CNBD1: variants seen among roughly 807,000 people sequenced by gnomAD.
CNBD1 encodes cyclic nucleotide binding domain containing 1.
CNBD1 carries 71 observed loss-of-function variants against 54.4 expected under a neutral mutation model. The ratio of observed to expected loss-of-function variants is 1.30; its 90% CI spans 1.08 to 1.59. CNBD1 has a LOEUF of 1.59. Ranked by LOEUF, CNBD1 falls within the 40% of genes most tolerant of loss-of-function variation. The probability of loss-of-function intolerance (pLI) is 0.00; values close to 1 mark genes in which losing one functional copy is unlikely to be tolerated. For synonymous variants in CNBD1, 182 were observed against 170.7 expected, an observed-to-expected ratio of 1.07 and a Z score of -0.51; for missense variants, 659 against 518.0, an observed-to-expected ratio of 1.27 and a Z score of -2.64.
At chr8:87,138,869 G>C (rs1042636178) in intron 4 of CNBD1, among the ~76,000 whole-genome samples, 1 of 152,152 alleles carries the variant, frequency 6.6e-6, no homozygotes, top group Non-Finnish European at 1.5e-5. Flanking sequence ...ATCAACAAAT[G>C]AATTTCAATA....
intron 4 of CNBD1, among the ~76,000 whole-genome samples, chr8:87,075,280 T>C (rs930420580): frequency 2.6e-5 from 4 of 152,200 alleles, no homozygotes; most frequent in Admixed American, 2.6e-4. Flanking sequence ...CATGCAGTTC[T>C]TTATTGAACT....
chr8:86,967,769 T>A (rs1030331826), intron 4 of CNBD1, among the ~76,000 whole-genome samples: 7 of 152,076 alleles, frequency 4.6e-5, no homozygotes, highest in Admixed American at 4.6e-4. Context: ...AACATTCCTG[T>A]CATATCTCAC....
chr8:87,384,887 A>G (rs1318151411), downstream of CNBD1, among the ~76,000 whole-genome samples: 1 of 152,178 alleles, frequency 6.6e-6, no homozygotes, highest in Admixed American at 6.5e-5. Flanking sequence ...TGAATGAGTG[A>G]AAGGGGACAT....
At chr8:87,121,607 C>CT (rs1171094140) in intron 4 of CNBD1, among the ~76,000 whole-genome samples, 1 of 151,640 alleles carries the variant, frequency 6.6e-6, no homozygotes, top group Non-Finnish European at 1.5e-5. Flanking sequence ...CAGTATATCA[C>CT]AAACCCCCCA....
intron 2 of CNBD1, among the ~76,000 whole-genome samples, chr8:87,411,077 T>G (rs1020847921): frequency 5.3e-5 from 8 of 152,050 alleles, no homozygotes; most frequent in African/African-American, 1.9e-4. Flanking sequence ...ACTCGCTTTA[T>G]TATGATACTT....
intron 8 of CNBD1, among the ~76,000 whole-genome samples, chr8:87,330,369 A>C (rs1395762778): frequency 5.4e-5 from 8 of 149,016 alleles, no homozygotes; most frequent in Non-Finnish European, 1.0e-4. Flanking sequence ...CATTTTTACT[A>C]GTTTTATTTT....
chr8:86,882,558 C>T (rs4960991), intron 1 of CNBD1, among the ~76,000 whole-genome samples: 13,357 of 152,120 alleles, frequency 0.088, 650 homozygotes, highest in Middle Eastern at 0.11. Flanking sequence ...AGAACACTTA[C>T]ACCCTGTTGG....
chr8:86,995,705 TG>T (rs1808856249), intron 4 of CNBD1, among the ~76,000 whole-genome samples: 2 of 151,570 alleles, frequency 1.3e-5, no homozygotes, highest in Non-Finnish European at 2.9e-5. Context: ...TGTGTGTGTG[TG>T]TGTGTGAGAG....
At chr8:86,996,199 T>A (rs1443777955) in intron 4 of CNBD1, among the ~76,000 whole-genome samples, 2 of 152,168 alleles carry the variant, frequency 1.3e-5, no homozygotes, top group African/African-American at 2.4e-5. Flanking sequence ...CCACCCTGGA[T>A]CTCTTCCGTT....
chr8:87,424,939 C>G (rs1380969602), intron 2 of CNBD1, among the ~76,000 whole-genome samples: 2 of 152,114 alleles, frequency 1.3e-5, no homozygotes, highest in African/African-American at 2.4e-5. Flanking sequence ...TCCATTCTCC[C>G]CATGACTTTC....
chr8:87,362,889 TTTAAG>T (rs1312673938), intron 10 of CNBD1, among the ~76,000 whole-genome samples: 12 of 152,208 alleles, frequency 7.9e-5, no homozygotes, highest in East Asian at 3.9e-4. Flanking sequence ...TTTTTTGTAC[TTTAAG>T]TTAAGAACGT....
At chr8:87,364,120 G>C (rs983085200) in intron 10 of CNBD1, among the ~76,000 whole-genome samples, 5 of 151,592 alleles carry the variant, frequency 3.3e-5, no homozygotes, top group African/African-American at 1.2e-4. Context: ...TTGTTAATGA[G>C]AAAACTAGCT....
At chr8:87,420,145 T>G (rs974955548) in intron 2 of CNBD1, among the ~76,000 whole-genome samples, 2 of 151,894 alleles carry the variant, frequency 1.3e-5, no homozygotes, top group Non-Finnish European at 2.9e-5. Context: ...GATCATCACT[T>G]TTCAGACTCT....
intron 10 of CNBD1, among the ~76,000 whole-genome samples, chr8:87,361,962 G>A (rs1022377685): frequency 6.6e-6 from 1 of 152,074 alleles, no homozygotes; most frequent in Non-Finnish European, 1.5e-5. Flanking sequence ...CAGACTTATG[G>A]AAGCACTGAG....
intron 4 of CNBD1, among the ~76,000 whole-genome samples, chr8:87,004,143 G>A (rs73271794): frequency 0.03 from 4,584 of 152,228 alleles, 236 homozygotes; most frequent in African/African-American, 0.1. Context: ...GCTGGAGACC[G>A]CATAATTTAT....
At chr8:87,372,167 A>T (rs1260147806) in intron 10 of CNBD1, among the ~76,000 whole-genome samples, 1 of 152,034 alleles carries the variant, frequency 6.6e-6, no homozygotes, top group Non-Finnish European at 1.5e-5. Flanking sequence ...AATGTACAAA[A>T]ATCACAAGCA....
intron 6 of CNBD1, among the ~76,000 whole-genome samples, chr8:87,256,853 A>G (rs989772897): frequency 6.6e-6 from 1 of 151,658 alleles, no homozygotes; most frequent in African/African-American, 2.4e-5. Flanking sequence ...CCAAGGTTCA[A>G]GGTTCTGAAG....
chr8:86,915,649 C>A (rs928787494), intron 3 of CNBD1, among the ~76,000 whole-genome samples: 8 of 152,186 alleles, frequency 5.3e-5, no homozygotes, highest in African/African-American at 1.9e-4. Flanking sequence ...ATGGTGGTTT[C>A]ATAATGATAT....
At chr8:87,144,116 G>A (rs1375648277) in intron 4 of CNBD1, among the ~76,000 whole-genome samples, 1 of 152,188 alleles carries the variant, frequency 6.6e-6, no homozygotes, top group Non-Finnish European at 1.5e-5. Context: ...AAATCCATGG[G>A]AGTCCAGCAA....
Sources: allele counts gnomAD v4.1 joint callset (sites outside exome capture counted in the v4.1 genomes callset), GRCh38; gene constraint gnomAD v4.1.1; transcripts MANE v1.5; gene names NCBI Gene and HGNC (gene_info 2026-07-23, HGNC 2026-07-21).